BMP6: variants seen among roughly 807,000 people sequenced by gnomAD.
The protein encoded by BMP6 is bone morphogenetic protein 6.
In BMP6, 17 loss-of-function variants were observed where a neutral mutation model predicts 54.1. The ratio of observed to expected loss-of-function variants is 0.31; its 90% CI spans 0.22 to 0.47. The LOEUF is 0.47. Among genes scored for constraint, BMP6 ranks in the 20% least tolerant of loss-of-function variants. The pLI, the probability that BMP6 is intolerant of heterozygous loss-of-function variation, is 1.00. For missense variants in BMP6, 720 were observed against 690.4 expected (o/e 1.04, Z -0.48); for synonymous variants, 328 against 291.2 (o/e 1.13, Z -1.28).
chr6:7,836,682 A>G (rs1758881802), intron 1 of BMP6, among the ~76,000 whole-genome samples: 1 of 152,238 alleles, frequency 6.6e-6, no homozygotes, highest in African/African-American at 2.4e-5. Context: ...GCAACCAGAA[A>G]AAATAGATTA....
intron 1 of BMP6, among the ~76,000 whole-genome samples, chr6:7,813,458 CAAAAAAAAA>C (rs58314970): frequency 4.7e-5 from 3 of 64,362 alleles, no homozygotes. Context: ...CCTGTCTCTA[CAAAAAAAAA>C]AAAAAAAAAA....
At chr6:7,818,918 G>T (rs967911752) in intron 1 of BMP6, among the ~76,000 whole-genome samples, 1 of 152,170 alleles carries the variant, frequency 6.6e-6, no homozygotes, top group Non-Finnish European at 1.5e-5. Flanking sequence ...ACGTGAAATT[G>T]GCAAGACATT....
At chr6:7,849,064 T>G (rs1468301968) in intron 2 of BMP6, among the ~76,000 whole-genome samples, 1 of 152,192 alleles carries the variant, frequency 6.6e-6, no homozygotes, top group African/African-American at 2.4e-5. Context: ...TAAAAGTCAC[T>G]TCAATTATGT....
intron 4 of BMP6, among the ~76,000 whole-genome samples, chr6:7,863,702 T>TG (rs1759372747): frequency 6.6e-6 from 1 of 152,042 alleles, no homozygotes; most frequent in African/African-American, 2.4e-5. Flanking sequence ...GCTACCTGAG[T>TG]GTCAGCTGAG....
intron 4 of BMP6, among the ~76,000 whole-genome samples, chr6:7,871,455 G>A (rs1407327584): frequency 2.6e-5 from 4 of 151,518 alleles, no homozygotes; most frequent in Non-Finnish European, 5.9e-5. Flanking sequence ...TTCGTCCTGG[G>A]GGGGCTTTTA....
At chr6:7,734,871 C>T (rs1056007397) in intron 1 of BMP6, among the ~76,000 whole-genome samples, 7 of 152,242 alleles carry the variant, frequency 4.6e-5, no homozygotes, top group African/African-American at 1.4e-4. Context: ...CTCCTTCAAA[C>T]ATTTTTGCAG....
chr6:7,852,244 T>C (rs1759154759), intron 2 of BMP6, among the ~76,000 whole-genome samples: 1 of 152,212 alleles, frequency 6.6e-6, no homozygotes, highest in South Asian at 2.1e-4. Context: ...CTGTTTATGG[T>C]TTTCCCTTTC....
intron 1 of BMP6, among the ~76,000 whole-genome samples, chr6:7,812,702 A>G (rs986314054): frequency 4.6e-5 from 7 of 152,170 alleles, no homozygotes; most frequent in African/African-American, 1.4e-4. Context: ...GAAAAATATC[A>G]AAGTTGAATG....
chr6:7,727,492 G>T lies in BMP6; in HGVS notation c.537G>T (p.Ala179=). Residue 179 remains alanine, a synonymous_variant, in exon 1 of 7, where the codon GCG becomes GCT. Coordinates refer to ENST00000283147, the MANE Select transcript of BMP6 (RefSeq NM_001718.6). ...GTCGGCAGCCGCCCCCGGGCGCCGC[G>T]CACCCGCTCAACCGCAAGAGCCTTC... The part of the protein sequence containing the change: ...SQRRQPPPGA[A]HPLNRKSLLA... The T allele has an allele frequency of 1.9e-6, 3 of 1,594,566 alleles. No individual in the cohort carries two copies. Among genetic ancestry groups the T allele is most frequent in the Non-Finnish European group, 2.6e-6 (3 of 1,175,998 alleles).
chr6:7,800,024 A>G (rs913394234), intron 1 of BMP6, among the ~76,000 whole-genome samples: 6 of 151,892 alleles, frequency 4.0e-5, no homozygotes, highest in African/African-American at 1.5e-4. Flanking sequence ...TATTAACTTT[A>G]TCAGGATATC....
At chr6:7,807,731 T>TA (rs767492570) in intron 1 of BMP6, among the ~76,000 whole-genome samples, 2 of 151,982 alleles carry the variant, frequency 1.3e-5, no homozygotes, top group Non-Finnish European at 2.9e-5. Flanking sequence ...TGTTGGAGGT[T>TA]AGAGTCAGTC....
intron 1 of BMP6, among the ~76,000 whole-genome samples, chr6:7,826,324 A>G (rs1227921247): frequency 6.6e-6 from 1 of 151,980 alleles, no homozygotes; most frequent in Non-Finnish European, 1.5e-5. Flanking sequence ...TGTGGCATAC[A>G]CCTTTGATGT....
At chr6:7,773,937 T>C (rs1757825279) in intron 1 of BMP6, among the ~76,000 whole-genome samples, 1 of 152,214 alleles carries the variant, frequency 6.6e-6, no homozygotes, top group African/African-American at 2.4e-5. Context: ...TTGGTCGTTA[T>C]TCCCTGGGAA....
chr6:7,844,509 G>T (rs1759029200), intron 1 of BMP6, among the ~76,000 whole-genome samples: 1 of 152,082 alleles, frequency 6.6e-6, no homozygotes, highest in Admixed American at 6.5e-5. Flanking sequence ...GAGCCTTCAG[G>T]TTCTACCAGT....
rs1759133260 is a variant in BMP6, at chr6:7,850,931, T to G, written c.857+5599T>G. On this transcript the variant is annotated intron_variant, in intron 2 of 6. Transcript: ENST00000283147. ...AGTGGCAACTTTCTCATAAATTAGGTGACTATATATGTGTGAGTCCATTTT... is the reference window on the plus strand; with the variant it reads ...AGTGGCAACTTTCTCATAAATTAGGGGACTATATATGTGTGAGTCCATTTT... Among the ~76,000 whole-genome samples the G allele has an allele frequency of 2.0e-5, 3 of 152,238 alleles. No individual in the cohort carries two copies. In the South Asian group the frequency reaches 6.2e-4, roughly 32 times the overall value.
intron 5 of BMP6, 59 bp downstream of exon 5, chr6:7,879,209 A>G: frequency 6.6e-7 from 1 of 1,523,710 alleles, no homozygotes; most frequent in Non-Finnish European, 9.1e-7. Context: ...TCTCATCTGA[A>G]TGGTGGCAGC....
At chr6:7,862,228 T>C in intron 3 of BMP6, 73 bp from the exon 4 acceptor site, 1 of 1,511,518 alleles carries the variant, frequency 6.6e-7, no homozygotes, top group Non-Finnish European at 9.2e-7. Flanking sequence ...CTAGGAAGTA[T>C]CCCTTAACTG....
chr6:7,741,928 T>TC (rs1446521610), intron 1 of BMP6, among the ~76,000 whole-genome samples: 2 of 152,086 alleles, frequency 1.3e-5, no homozygotes, highest in African/African-American at 4.8e-5. Context: ...ACATCCCTCC[T>TC]CCCCCCAAGT....
intron 1 of BMP6, among the ~76,000 whole-genome samples, chr6:7,830,876 C>T (rs925364837): frequency 4.6e-5 from 7 of 152,178 alleles, no homozygotes; most frequent in African/African-American, 1.7e-4. Context: ...ATTATGGGAG[C>T]TACAGTTCAA....
Sources: gnomAD v4.1 joint callset for allele counts (sites outside exome capture counted in the v4.1 genomes callset) on GRCh38, gnomAD v4.1.1 for gene constraint, MANE v1.5 for transcripts, NCBI Gene and HGNC (gene_info 2026-07-23, HGNC 2026-07-21) for gene names.